The following SYCP2 variants were observed in gnomAD, a reference collection of about 807,000 sequenced individuals.
SYCP2 encodes the protein synaptonemal complex protein 2.
Under a neutral mutation model 211.3 loss-of-function variants are expected in SYCP2, and 55 were observed. The ratio of observed to expected loss-of-function variants is 0.26; its 90% CI spans 0.21 to 0.33. The LOEUF (loss-of-function observed/expected upper bound fraction) is 0.33. Ranked by LOEUF, SYCP2 falls within the 10% of genes least tolerant of loss-of-function variation. The probability of loss-of-function intolerance (pLI) is 1.00; values close to 1 mark genes in which losing one functional copy is unlikely to be tolerated. For missense variants in SYCP2, 1,731 were observed against 1,752.0 expected (o/e 0.99, Z 0.21); for synonymous variants, 570 against 555.2 (o/e 1.03, Z -0.37).
chr20:59,889,278 C>A (rs948520315), intron 24 of SYCP2, among the ~76,000 whole-genome samples: 2 of 151,894 alleles, frequency 1.3e-5, no homozygotes, highest in African/African-American at 2.4e-5. Flanking sequence ...TCAATTCTAC[C>A]AAATGTACCA....
intron 34 of SYCP2, 95 bp from the exon 35 acceptor site, chr20:59,874,156 T>G (rs570838630): frequency 5.0e-6 from 3 of 604,280 alleles, no homozygotes; most frequent in African/African-American, 1.9e-5. Context: ...TTCTAAGAAT[T>G]TGTCAGATCT....
intron 2 of SYCP2, among the ~76,000 whole-genome samples, chr20:59,927,034 A>G (rs982067718): frequency 3.9e-5 from 6 of 152,280 alleles, no homozygotes; most frequent in South Asian, 2.1e-4. Flanking sequence ...CTGAGAACAT[A>G]TAACTGGTAC....
chr20:59,877,267 T>C (rs2059579679), intron 33 of SYCP2, 118 bp downstream of exon 33: 1 of 738,336 alleles, frequency 1.4e-6, no homozygotes, highest in African/African-American at 1.8e-5. Context: ...ATTTAAGTTT[T>C]GTCATAAAAG....
chr20:59,870,262 T>G (rs2059424770), intron 35 of SYCP2, among the ~76,000 whole-genome samples: 1 of 151,776 alleles, frequency 6.6e-6, no homozygotes, highest in African/African-American at 2.4e-5. Context: ...ATAAGAATTT[T>G]TTGCATTTTC....
chr20:59,873,533 A>G, intron 35 of SYCP2, among the ~76,000 whole-genome samples: 1 of 152,138 alleles, frequency 6.6e-6, no homozygotes, highest in Non-Finnish European at 1.5e-5. Context: ...TATTTCTGCA[A>G]TTTCTTATTT....
chr20:59,885,643 C>CAG (rs1446251241), intron 26 of SYCP2, among the ~76,000 whole-genome samples: 14 of 151,668 alleles, frequency 9.2e-5, no homozygotes, highest in African/African-American at 3.4e-4. Flanking sequence ...AAAAAATACA[C>CAG]ACACACACAC....
At chr20:59,867,435 T>C (rs141429326) in intron 39 of SYCP2, among the ~76,000 whole-genome samples, 1 of 140,836 alleles carries the variant, frequency 7.1e-6, no homozygotes, top group Admixed American at 7.2e-5. Flanking sequence ...TCTTGAAAAG[T>C]GGCATGAAAA....
At position 59,911,995 on chromosome 20, in the gene SYCP2, A is replaced by T. The variant is rs2060340149; in HGVS notation, c.877-150T>A. ...ACAAGTATAATATTTAGATAAATTT[A>T]AAAACAATCAAATGAAATGCTACTT... On this transcript the variant is annotated intron_variant, in intron 13 of 44. Coordinates refer to ENST00000357552, the MANE Select transcript of SYCP2 (RefSeq NM_014258.4). The T allele has an allele frequency of 8.8e-6, 4 of 456,068 alleles. No individual in the cohort carries two copies. The South Asian group carries it at 2.2e-4, about 25-fold the overall frequency. 28.3% of individuals were successfully genotyped at this position (456,068 alleles called of 1,614,324 possible).
At chr20:59,931,619 C>G (rs1298403219) in intron 2 of SYCP2, among the ~76,000 whole-genome samples, 2 of 152,128 alleles carry the variant, frequency 1.3e-5, no homozygotes, top group Non-Finnish European at 2.9e-5. Context: ...AGAACTAAAG[C>G]AATTTGAAAC....
chr20:59,892,508 T>C, intron 23 of SYCP2, 60 bp downstream of exon 23: 2 of 1,535,034 alleles, frequency 1.3e-6, no homozygotes, highest in Non-Finnish European at 1.8e-6. Flanking sequence ...TTTTAATACT[T>C]GTTAGACATT....
intron 33 of SYCP2, 106 bp from the exon 34 acceptor site, chr20:59,875,575 C>T (rs2059539200): frequency 1.0e-5 from 8 of 801,048 alleles, no homozygotes; most frequent in East Asian, 8.2e-5. Flanking sequence ...TATATTACCA[C>T]ATACAGGCAT....
At chr20:59,866,132 A>G (rs2059327618) in intron 41 of SYCP2, among the ~76,000 whole-genome samples, 161 bp downstream of exon 41, 1 of 151,896 alleles carries the variant, frequency 6.6e-6, no homozygotes, top group African/African-American at 2.4e-5. Context: ...TTCGTACTTC[A>G]AAAGTGTTTC....
At chr20:59,886,123 C>G (rs181003330) in intron 25 of SYCP2, among the ~76,000 whole-genome samples, 159 bp from the exon 26 acceptor site, 1 of 152,154 alleles carries the variant, frequency 6.6e-6, no homozygotes, top group African/African-American at 2.4e-5. Flanking sequence ...ACTTCACTCA[C>G]AGTAAACAGC....
At chr20:59,889,539 G>A (rs1456120769) in intron 24 of SYCP2, among the ~76,000 whole-genome samples, 1 of 151,762 alleles carries the variant, frequency 6.6e-6, no homozygotes, top group Non-Finnish European at 1.5e-5. Context: ...GGCATATATA[G>A]GTTTTTTAGT....
chr20:59,881,562 T>C, intron 28 of SYCP2, 70 bp from the exon 29 acceptor site: 1 of 757,670 alleles, frequency 1.3e-6, no homozygotes, highest in South Asian at 2.2e-5. Flanking sequence ...GGAATAAACA[T>C]AAAATCTAGT....
intron 28 of SYCP2, 93 bp downstream of exon 28, chr20:59,881,852 G>A (rs2059689762): frequency 3.2e-6 from 3 of 943,104 alleles, no homozygotes; most frequent in South Asian, 1.6e-5. Flanking sequence ...AAGCATATGA[G>A]GATGCACATT....
intron 32 of SYCP2, 69 bp downstream of exon 32, chr20:59,877,939 T>A (rs1480646785): frequency 2.5e-6 from 3 of 1,195,046 alleles, no homozygotes; most frequent in Admixed American, 2.0e-5. Flanking sequence ...TATGAGATGA[T>A]GAATTATTTT....
chr20:59,866,512 A>G lies in SYCP2; in HGVS notation c.4203T>C (p.His1401=). Residue 1401 remains histidine (H), a synonymous_variant, in exon 40 of 45, where the codon CAT becomes CAC. Coordinates refer to ENST00000357552, the MANE Select transcript of SYCP2 (RefSeq NM_014258.4). ...TTACAGACCTAGAGTCCTGACTTTG[A>G]TGATTCATTGTTCTCAGATGTTGCT... ...TAQQHLRTMN[H]QSQDSRIKKL... The G allele has an allele frequency of 6.2e-7, 1 of 1,608,718 alleles. No homozygotes were observed. The highest frequency in any genetic ancestry group is 1.7e-4 in the Middle Eastern group (1 of 6,032).
At chr20:59,914,599 A>AACAT (rs1227427165) in intron 10 of SYCP2, among the ~76,000 whole-genome samples, 2 of 152,080 alleles carry the variant, frequency 1.3e-5, no homozygotes, top group African/African-American at 4.8e-5. Flanking sequence ...CCTCTTGTGT[A>AACAT]ACATGTTTAC....
Sources: allele counts gnomAD v4.1 joint callset (sites outside exome capture counted in the v4.1 genomes callset), GRCh38; gene constraint gnomAD v4.1.1; transcripts MANE v1.5; gene names NCBI Gene and HGNC (gene_info 2026-07-23, HGNC 2026-07-21).